APLF: variants seen among roughly 807,000 people sequenced by gnomAD.
APLF encodes the protein aprataxin and PNK-like factor.
A neutral mutation model predicts 55.6 loss-of-function variants in APLF; 61 were observed. The observed-to-expected ratio is 1.10, with a 90% CI of 0.89 to 1.36. APLF has a LOEUF of 1.36. APLF is among the 40% of genes most tolerant of loss of function. APLF has a pLI of 0.00. For synonymous variants in APLF, 207 were observed against 214.8 expected (o/e 0.96, Z 0.32); for missense variants, 611 against 602.5 (o/e 1.01, Z -0.15).
chr2:68,562,760 C>G (rs1350653006), intron 8 of APLF, among the ~76,000 whole-genome samples: 1 of 151,982 alleles, frequency 6.6e-6, no homozygotes, highest in African/African-American at 2.4e-5. Flanking sequence ...AAAGATTGAG[C>G]TGCTAATAAT....
chr2:68,502,718 T>C lies in APLF; in HGVS notation c.169-13T>C. 2.9e-6 allele frequency: 4 copies of C among 1,384,714 alleles called. No individual in the cohort carries two copies. In the South Asian group the frequency reaches 7.5e-5, roughly 26 times the overall value. The allele number at this position is 1,384,714 out of a possible 1,614,324, so 85.8% of individuals were successfully genotyped here. ...TTTTTTAAATTTAATTATATTCTTT[T>C]TTAATTTGTTAGATACACACAAATC... On this transcript the variant is annotated splice_polypyrimidine_tract_variant and intron_variant, in intron 2 of 9. Coordinates refer to ENST00000303795, the MANE Select transcript of APLF (RefSeq NM_173545.3).
chr2:68,482,779 G>C (rs1350485977), intron 1 of APLF, among the ~76,000 whole-genome samples: 1 of 152,142 alleles, frequency 6.6e-6, no homozygotes, highest in African/African-American at 2.4e-5. Flanking sequence ...TGGGGGTATG[G>C]ACACACAATG....
chr2:68,568,228 T>C (rs2104070394), intron 9 of APLF: 1 of 977,286 alleles, frequency 1.0e-6, no homozygotes, highest in East Asian at 1.1e-4. Context: ...ATCATTCATA[T>C]AATACAGAGG....
chr2:68,467,907 G>T, intron 1 of APLF, 80 bp downstream of exon 1: 1 of 1,115,044 alleles, frequency 9.0e-7, no homozygotes, highest in Non-Finnish European at 1.1e-6. Context: ...CCTAGTCCTG[G>T]CCGGTTTCCC....
chr2:68,548,255 A>G (rs1009705223), intron 8 of APLF, among the ~76,000 whole-genome samples: 7 of 151,942 alleles, frequency 4.6e-5, no homozygotes, highest in Non-Finnish European at 1.0e-4. Context: ...ATTTGACTAC[A>G]TTAAAAGTAA....
At chr2:68,569,952 G>A (rs928066289) in intron 9 of APLF, among the ~76,000 whole-genome samples, 1 of 151,566 alleles carries the variant, frequency 6.6e-6, no homozygotes, top group Non-Finnish European at 1.5e-5. Flanking sequence ...TTGAGGTGGG[G>A]GTATCATAAG....
intron 9 of APLF, among the ~76,000 whole-genome samples, chr2:68,575,653 T>G (rs1289343501): frequency 6.6e-6 from 1 of 151,854 alleles, no homozygotes; most frequent in Non-Finnish European, 1.5e-5. Flanking sequence ...TATTAGATGT[T>G]GGGTTCTCGG....
chr2:68,577,667 T>C (rs1671659661), intron 9 of APLF, among the ~76,000 whole-genome samples, 153 bp from the exon 10 acceptor site: 1 of 152,110 alleles, frequency 6.6e-6, no homozygotes, highest in Admixed American at 6.6e-5. Context: ...TAACAAAGCA[T>C]CATTTTAGTG....
rs147341858 is a variant in APLF at position 68,476,158 on chromosome 2, G to T, written c.96+8331G>T. Among the ~76,000 whole-genome samples the T allele has an allele frequency of 6.5e-3, 985 of 151,704 alleles. 7 individuals are homozygous for T. The highest frequency in any genetic ancestry group is 0.023 in the African/African-American group (937 of 41,360). ...AGTATTGTGTAAAGTAATGTTTTTT[G>T]TGTGTATTATGCTCTTTCCCAATTT... On this transcript the variant is annotated intron_variant, in intron 1 of 9. Coordinates refer to ENST00000303795, the MANE Select transcript of APLF (RefSeq NM_173545.3).
Position 68,572,170 on chromosome 2 carries a change from T to C in APLF, c.1333+4783T>C, listed in dbSNP as rs559772044. Among the ~76,000 whole-genome samples, 28 of 152,102 alleles carry C rather than the reference T, an allele frequency of 1.8e-4. No individual in the cohort carries two copies. The South Asian group carries it at 5.8e-3, about 32-fold the overall frequency. On this transcript the variant is annotated intron_variant, in intron 9 of 9. Transcript: ENST00000303795. ...TAATGTGTGGAAAGCTAAGAGAATATGGAATATGAGAAAGCCTGATGCAAT... is the reference window on the plus strand; with the variant it reads ...TAATGTGTGGAAAGCTAAGAGAATACGGAATATGAGAAAGCCTGATGCAAT...
chr2:68,551,546 C>T (rs1305820826), intron 8 of APLF, among the ~76,000 whole-genome samples: 1 of 150,988 alleles, frequency 6.6e-6, no homozygotes, highest in Non-Finnish European at 1.5e-5. Context: ...TCAAAGAGTT[C>T]CTAATTTCAG....
rs1163039357 is a variant in APLF at position 68,529,863 on chromosome 2, G to A, written c.804+3621G>A. On this transcript the variant is annotated intron_variant, in intron 6 of 9. Coordinates refer to ENST00000303795, the MANE Select transcript of APLF (RefSeq NM_173545.3). The surrounding 1 kb of genome is among the most constrained non-coding windows in gnomAD (Gnocchi z 4.4). ...CCTGTCTTGGCCGGCCCCGTCCCCCGGGTTACAGGGCCAGAACCTGGAAGC... is the reference window on the plus strand; with the variant it reads ...CCTGTCTTGGCCGGCCCCGTCCCCCAGGTTACAGGGCCAGAACCTGGAAGC... 1 of 152,520 alleles carries A rather than the reference G, an allele frequency of 6.6e-6. No homozygotes were observed. The highest frequency in any genetic ancestry group is 2.1e-4 in the South Asian group (1 of 4,840). 9.4% of individuals were successfully genotyped at this position (152,520 alleles called of 1,614,324 possible).
intron 8 of APLF, among the ~76,000 whole-genome samples, chr2:68,552,091 G>A (rs1229031455): frequency 6.6e-6 from 1 of 152,022 alleles, no homozygotes; most frequent in Non-Finnish European, 1.5e-5. Context: ...TTTGAGCTTA[G>A]CCTATTAGCC....
intron 2 of APLF, among the ~76,000 whole-genome samples, chr2:68,491,144 C>T (rs1306770452): frequency 6.6e-6 from 1 of 152,054 alleles, no homozygotes; most frequent in African/African-American, 2.4e-5. Context: ...TTATCTCAAC[C>T]TTGAATAAAT....
In APLF at chr2:68,529,316, A is replaced by G. The variant is rs1393343592; in HGVS notation, c.804+3074A>G. 2.2e-5 allele frequency: 30 copies of G among 1,374,188 alleles called. No homozygotes were observed. Among genetic ancestry groups the G allele is most frequent in the Non-Finnish European group, 2.6e-5 (28 of 1,063,916 alleles). The allele number at this position is 1,374,188 out of a possible 1,614,324, so 85.1% of individuals were successfully genotyped here. A position where few individuals can be genotyped will look rare whatever the true frequency, so the allele number is the denominator to read the frequency against. Reference sequence around the variant, plus strand: ...GTTGAAGAGGAGTGGGAAACAGCCAAAGAGTCCTGGGGCAGGCACAGGTGC... The same window carrying G: ...GTTGAAGAGGAGTGGGAAACAGCCAGAGAGTCCTGGGGCAGGCACAGGTGC... On this transcript the variant is annotated intron_variant, in intron 6 of 9. Transcript: ENST00000303795. The surrounding 1 kb of genome is among the most constrained non-coding windows in gnomAD (Gnocchi z 4.4).
intron 3 of APLF, among the ~76,000 whole-genome samples, chr2:68,509,183 AC>A (rs1406953207): frequency 5.3e-5 from 8 of 152,222 alleles, no homozygotes; most frequent in African/African-American, 1.9e-4. Context: ...TGTCTAAAAC[AC>A]CAAAAGCAAT....
At chr2:68,546,997 A>G (rs1013478705) in intron 8 of APLF, among the ~76,000 whole-genome samples, 11 of 151,874 alleles carry the variant, frequency 7.2e-5, no homozygotes, top group African/African-American at 2.4e-4. Context: ...AGTAAATACA[A>G]AGTGGCCCAC....
chr2:68,537,164 CAAA>C (rs532219555), intron 6 of APLF, among the ~76,000 whole-genome samples: 3 of 101,614 alleles, frequency 3.0e-5, no homozygotes. Flanking sequence ...GACTCCATCT[CAAA>C]AAAAAAAAAA....
At chr2:68,499,274 C>T (rs1676648306) in intron 2 of APLF, among the ~76,000 whole-genome samples, 1 of 152,164 alleles carries the variant, frequency 6.6e-6, no homozygotes, top group Non-Finnish European at 1.5e-5. Flanking sequence ...CAATGTCTCT[C>T]ATGTAGGTAG....
Sources: allele counts gnomAD v4.1 joint callset (sites outside exome capture counted in the v4.1 genomes callset), GRCh38; gene constraint gnomAD v4.1.1; non-coding constraint Gnocchi (gnomAD v3.1); transcripts MANE v1.5; gene names NCBI Gene and HGNC (gene_info 2026-07-23, HGNC 2026-07-21).